The following KCNJ6 variants were observed in gnomAD, a reference collection of about 807,000 sequenced individuals.
KCNJ6 encodes the protein potassium inwardly rectifying channel subfamily J member 6.
In KCNJ6, 9 loss-of-function variants were observed where a neutral mutation model predicts 34.2. The ratio of observed to expected loss-of-function variants is 0.26; its 90% confidence interval spans 0.16 to 0.46. The LOEUF is 0.46. Ranked by LOEUF, KCNJ6 falls within the 20% of genes least tolerant of loss-of-function variation. The pLI is 1.00. For missense variants in KCNJ6, 236 were observed against 531.3 expected (o/e 0.44, Z 5.46); for synonymous variants, 196 against 207.1 (o/e 0.95, Z 0.46).
intron 1 of KCNJ6, among the ~76,000 whole-genome samples, chr21:37,870,430 C>A (rs1236116339): frequency 6.6e-6 from 1 of 152,200 alleles, no homozygotes; most frequent in African/African-American, 2.4e-5. Flanking sequence ...AGCTACCTAA[C>A]TGGCAAAGAC....
At chr21:37,630,557 T>G (rs567560563) in intron 3 of KCNJ6, among the ~76,000 whole-genome samples, 1 of 152,242 alleles carries the variant, frequency 6.6e-6, no homozygotes, top group South Asian at 2.1e-4. Context: ...GTGGGAGATT[T>G]CTGCTTCCAT....
intron 3 of KCNJ6, among the ~76,000 whole-genome samples, chr21:37,641,897 A>G (rs2054382465): frequency 6.6e-6 from 1 of 152,204 alleles, no homozygotes; most frequent in South Asian, 2.1e-4. Context: ...GATTCAAGAC[A>G]TATTTAGGAG....
intron 2 of KCNJ6, among the ~76,000 whole-genome samples, chr21:37,729,394 G>T (rs2054872624): frequency 6.6e-6 from 1 of 152,034 alleles, no homozygotes; most frequent in African/African-American, 2.4e-5. Context: ...TGCGATCACA[G>T]CTCACTGTAG....
chr21:37,726,638 A>C (rs918054114), intron 2 of KCNJ6, among the ~76,000 whole-genome samples: 1 of 152,226 alleles, frequency 6.6e-6, no homozygotes, highest in Non-Finnish European at 1.5e-5. Context: ...AATGTTCTCC[A>C]AAGTATAAAT....
chr21:37,742,989 C>T (rs544113641), intron 2 of KCNJ6, among the ~76,000 whole-genome samples: 56 of 152,278 alleles, frequency 3.7e-4, no homozygotes, highest in African/African-American at 1.3e-3. Flanking sequence ...TTCCTCAGCC[C>T]CCATAGACTA....
rs984968129 is a variant in KCNJ6, at chr21:37,695,649, T to A, written c.946+18562A>T. On this transcript the variant is annotated intron_variant, in intron 3 of 3. Transcript: ENST00000609713. The surrounding 1 kb of genome is among the most constrained non-coding windows in gnomAD (Gnocchi z 4.2). ...TTTCTGGAAGGCAGTGTTTTTGAGC[T>A]ATGAGTTTAGTTCAGATACGTGTAC... 9.2e-5 allele frequency among the ~76,000 whole-genome samples: 14 copies of A among 152,324 alleles called. No individual in the cohort carries two copies. The highest frequency in any genetic ancestry group is 3.1e-4 in the African/African-American group (13 of 41,568).
chr21:37,693,824 G>A (rs1227664904), intron 3 of KCNJ6, among the ~76,000 whole-genome samples: 1 of 152,088 alleles, frequency 6.6e-6, no homozygotes, highest in East Asian at 1.9e-4. Context: ...CCCTCCAGCG[G>A]TACCCACTTT....
intron 2 of KCNJ6, among the ~76,000 whole-genome samples, chr21:37,838,137 T>C (rs992463658): frequency 2.6e-5 from 4 of 152,210 alleles, no homozygotes; most frequent in Non-Finnish European, 5.9e-5. Flanking sequence ...CACCCAGTCA[T>C]TGACCCAAGG....
At chr21:37,643,402 AAG>A (rs1280385390) in intron 3 of KCNJ6, among the ~76,000 whole-genome samples, 2 of 152,180 alleles carry the variant, frequency 1.3e-5, no homozygotes, top group Admixed American at 1.3e-4. Flanking sequence ...GGGACCTGGT[AAG>A]AGTGAGTGCA....
At position 37,615,283 on chromosome 21, in the gene KCNJ6, C is replaced by T. The variant is rs1395364271; in HGVS notation, c.*9876G>A. 3.1e-5 allele frequency: 4 copies of T among 128,270 alleles called. No homozygotes were observed. Among genetic ancestry groups the T allele is most frequent in the African/African-American group, 6.4e-5 (2 of 31,066 alleles). 7.9% of individuals were successfully genotyped at this position (128,270 alleles called of 1,614,324 possible). Reference sequence around the variant, plus strand: ...TTTTTTTTTTTTTGAGACGGAGTCTCGCTCTGTCGCCCAGGTCGGACTGCG... The same window carrying T: ...TTTTTTTTTTTTTGAGACGGAGTCTTGCTCTGTCGCCCAGGTCGGACTGCG... On this transcript the variant is annotated 3_prime_UTR_variant, in exon 4 of 4. Coordinates refer to ENST00000609713, the MANE Select transcript of KCNJ6 (RefSeq NM_002240.5).
chr21:37,840,374 T>C (rs751132907), intron 2 of KCNJ6, among the ~76,000 whole-genome samples: 5 of 152,226 alleles, frequency 3.3e-5, no homozygotes, highest in Non-Finnish European at 4.4e-5. Context: ...GAAATTATTG[T>C]GAGTCCCAAT....
At chr21:37,824,815 C>A in intron 2 of KCNJ6, among the ~76,000 whole-genome samples, 1 of 151,958 alleles carries the variant, frequency 6.6e-6, no homozygotes, top group East Asian at 1.9e-4. Flanking sequence ...AACCTCTTTT[C>A]TTTATAAATT....
chr21:37,669,531 T>G, intron 3 of KCNJ6, among the ~76,000 whole-genome samples: 1 of 151,968 alleles, frequency 6.6e-6, no homozygotes, highest in Non-Finnish European at 1.5e-5. Context: ...CTTTGTATCT[T>G]TAGGGAGATG....
chr21:37,729,481 G>A (rs1828146005), intron 2 of KCNJ6, among the ~76,000 whole-genome samples: 1 of 152,134 alleles, frequency 6.6e-6, no homozygotes, highest in South Asian at 2.1e-4. Flanking sequence ...GGGCCACCAT[G>A]CCTAGCTAAT....
rs948153710 is a variant in KCNJ6 at position 37,615,122 on chromosome 21, A to G, written c.*10037T>C. ...CCCCATGAGACACAGCAAGCTGACCAGGTAAACTATGGACCCTGGGATCTT... is the reference window on the plus strand; with the variant it reads ...CCCCATGAGACACAGCAAGCTGACCGGGTAAACTATGGACCCTGGGATCTT... On this transcript the variant is annotated 3_prime_UTR_variant, in exon 4 of 4. Transcript: ENST00000609713. The G allele has an allele frequency of 6.6e-6, 1 of 152,222 alleles. No homozygotes were observed. Among genetic ancestry groups the G allele is most frequent in the Non-Finnish European group, 1.5e-5 (1 of 68,056 alleles). The allele number at this position is 152,222 out of a possible 1,614,324, so 9.4% of individuals were successfully genotyped here. A position where few individuals can be genotyped will look rare whatever the true frequency, so the allele number is the denominator to read the frequency against.
intron 2 of KCNJ6, among the ~76,000 whole-genome samples, chr21:37,720,635 G>GAAGTGTGGTTTC (rs1556024727): frequency 6.6e-6 from 1 of 152,146 alleles, no homozygotes; most frequent in Non-Finnish European, 1.5e-5. Flanking sequence ...TAGTGACACA[G>GAAGTGTGGTTTC]AAGTGTGGTT....
chr21:37,831,836 G>A (rs2055427722), intron 2 of KCNJ6, among the ~76,000 whole-genome samples: 1 of 152,136 alleles, frequency 6.6e-6, no homozygotes, highest in African/African-American at 2.4e-5. Flanking sequence ...GGGAGAGACT[G>A]GGCAGCCTTA....
chr21:37,740,937 C>T (rs1191101662), intron 2 of KCNJ6, among the ~76,000 whole-genome samples: 5 of 152,214 alleles, frequency 3.3e-5, no homozygotes, highest in Non-Finnish European at 2.9e-5. Context: ...AGTGACTTTT[C>T]CTGACTTCCT....
At chr21:37,705,015 A>C (rs957704492) in intron 3 of KCNJ6, among the ~76,000 whole-genome samples, 5 of 152,234 alleles carry the variant, frequency 3.3e-5, no homozygotes, top group African/African-American at 1.2e-4. Context: ...GGGAGCCTCT[A>C]GACTGCCCTT....
Sources: gnomAD v4.1 joint callset for allele counts (sites outside exome capture counted in the v4.1 genomes callset) on GRCh38, gnomAD v4.1.1 for gene constraint, Gnocchi (gnomAD v3.1) non-coding constraint, MANE v1.5 for transcripts, NCBI Gene and HGNC (gene_info 2026-07-23, HGNC 2026-07-21) for gene names.